RPL23: variants seen among roughly 807,000 people sequenced by gnomAD.
RPL23 encodes ribosomal protein L23, also known as large ribosomal subunit protein uL14.
For missense variants in RPL23, 79 were observed against 178.8 expected, an observed-to-expected ratio of 0.44 and a Z score of 3.18; for synonymous variants, 63 against 65.3, an observed-to-expected ratio of 0.97 and a Z score of 0.17.
chr17:38,850,019 G>A lies in RPL23; in HGVS notation c.*113C>T. On this transcript the variant is annotated 3_prime_UTR_variant, in exon 5 of 5. Transcript: ENST00000479035. ...TGTAATCCCAGCTACTTAGGAGGCT[G>A]AGGCAGGAGAATCGCTTGAACCCTG... 1 of 729,864 alleles carries A rather than the reference G, an allele frequency of 1.4e-6. No individual in the cohort carries two copies. The highest frequency in any genetic ancestry group is 2.1e-5 in the South Asian group (1 of 48,356). The allele number at this position is 729,864 out of a possible 1,614,324, so 45.2% of individuals were successfully genotyped here.
At position 38,848,224 on chromosome 17, in the gene RPL23, T is replaced by A; in HGVS notation, c.*1908A>T. Reference sequence around the variant, plus strand: ...TCAGGGATGTTATGGTGTAACTCTCTAAAACTAGAGATTTAATACATTTTT... The same window carrying A: ...TCAGGGATGTTATGGTGTAACTCTCAAAAACTAGAGATTTAATACATTTTT... On this transcript the variant is annotated 3_prime_UTR_variant, in exon 5 of 5. Transcript: ENST00000479035. The A allele has an allele frequency of 1.3e-6, 1 of 748,800 alleles. No homozygotes were observed. Among genetic ancestry groups the A allele is most frequent in the Non-Finnish European group, 1.9e-6 (1 of 539,178 alleles). 46.4% of individuals were successfully genotyped at this position (748,800 alleles called of 1,614,324 possible). A position where few individuals can be genotyped will look rare whatever the true frequency, so the allele number is the denominator to read the frequency against.
chr17:38,852,560 C>A, intron 3 of RPL23, 44 bp downstream of exon 3: 1 of 1,608,208 alleles, frequency 6.2e-7, no homozygotes, highest in Non-Finnish European at 8.5e-7. Flanking sequence ...GAAAGCGTCC[C>A]CCCACTACTC....
rs775282346 is a variant in RPL23 at position 38,850,518 on chromosome 17, C to CGCAGTGCCACCACAAAA, written c.227-60_227-44dup. 1.1e-4 allele frequency: 144 copies of CGCAGTGCCACCACAAAA among 1,356,012 alleles called. 1 individual carries two copies. In the South Asian group the frequency reaches 1.6e-3, roughly 15 times the overall value. 84.0% of individuals were successfully genotyped at this position (1,356,012 alleles called of 1,614,324 possible). ...GACAGCAGTCATTAACCTGTCAAGT[C>CGCAGTGCCACCACAAAA]GCAGTGCCACCACAAAAGCAGTTTC... On this transcript the variant is annotated intron_variant, in intron 3 of 4. Transcript: ENST00000479035.
chr17:38,850,345 C>T lies in RPL23; in HGVS notation c.340+17G>A, dbSNP rs756403441. On this transcript the variant is annotated intron_variant, in intron 4 of 4. Transcript: ENST00000479035. ...CAACCTCAGAGACCTAAGGAACAAG[C>T]TGGACTGATTTCCTACCTTTCATCT... 6.2e-7 allele frequency: 1 copy of T among 1,603,354 alleles called. No individual in the cohort carries two copies. The highest frequency in any genetic ancestry group is 1.7e-5 in the Admixed American group (1 of 59,980).
At chr17:38,850,310 A>G (rs1912964469) in intron 4 of RPL23, 52 bp downstream of exon 4, 2 of 1,570,702 alleles carry the variant, frequency 1.3e-6, no homozygotes, top group African/African-American at 2.7e-5. Flanking sequence ...GTACTTCTAG[A>G]CAATCCACCC....
In RPL23 at chr17:38,848,040, CTG is replaced by C. The variant is rs1389417277; in HGVS notation, c.*2090_*2091del. ...TTCAGTGGTGTTACTGCACTCCAGC[CTG>C]TGTGACAGAGCAAGACTGCCTCAGA... On this transcript the variant is annotated 3_prime_UTR_variant, in exon 5 of 5. Coordinates refer to ENST00000479035, the MANE Select transcript of RPL23 (RefSeq NM_000978.4). 20 of 1,547,230 alleles carry C rather than the reference CTG, an allele frequency of 1.3e-5. No homozygotes were observed. The South Asian group carries it at 1.6e-4, about 12-fold the overall frequency.
In RPL23 at chr17:38,852,852, C is replaced by A. The variant is rs770365884; in HGVS notation, c.98-120G>T. The A allele has an allele frequency of 8.2e-6, 12 of 1,460,862 alleles. No homozygotes were observed. The Admixed American group carries it at 1.0e-4, about 12-fold the overall frequency. The allele number at this position is 1,460,862 out of a possible 1,614,324, so 90.5% of individuals were successfully genotyped here. On this transcript the variant is annotated intron_variant, in intron 2 of 4. Transcript: ENST00000479035. The stretch of plus-strand genomic sequence containing the variant: ...TCCACTCACTGCCCAAGCAGTTAGT[C>A]CGCAAGAACGCCTTGTCACACCACC...
chr17:38,852,877 C>G (rs1245933878), intron 2 of RPL23, 145 bp from the exon 3 acceptor site: 2 of 1,375,508 alleles, frequency 1.5e-6, no homozygotes, highest in Admixed American at 3.4e-5. Context: ...GTCACACCAC[C>G]GATTGAAGCA....
At chr17:38,852,458 A>G (rs1263774991) in intron 3 of RPL23, 146 bp downstream of exon 3, 2 of 973,056 alleles carry the variant, frequency 2.1e-6, no homozygotes, top group East Asian at 4.8e-5. Context: ...CTCCAACACA[A>G]TATGAGCAAA....
intron 3 of RPL23, 125 bp downstream of exon 3, chr17:38,852,479 A>G: frequency 1.6e-6 from 2 of 1,213,288 alleles, no homozygotes; most frequent in Non-Finnish European, 1.2e-6. Context: ...AACTTAAGAT[A>G]CTTATCTCAC....
chr17:38,853,594 G>T, intron 1 of RPL23, 104 bp downstream of exon 1: 1 of 1,426,014 alleles, frequency 7.0e-7, no homozygotes, highest in African/African-American at 1.4e-5. Flanking sequence ...TCTCCGGCCT[G>T]AAGGAGAGCA....
At position 38,850,492 on chromosome 17, in the gene RPL23, G is replaced by A; in HGVS notation, c.227-17C>T. 2 of 1,572,952 alleles carry A rather than the reference G, an allele frequency of 1.3e-6. No individual in the cohort carries two copies. Among genetic ancestry groups the A allele is most frequent in the South Asian group, 1.1e-5 (1 of 90,106 alleles). Reference sequence around the variant, plus strand: ...CTGGATGTACTGAGAGAAGAAAAAAGGACAGCAGTCATTAACCTGTCAAGT... The same window carrying A: ...CTGGATGTACTGAGAGAAGAAAAAAAGACAGCAGTCATTAACCTGTCAAGT... On this transcript the variant is annotated splice_polypyrimidine_tract_variant and intron_variant, in intron 3 of 4. Transcript: ENST00000479035.
rs1276617298 is a variant in RPL23, at chr17:38,853,720, C to T, written c.-10G>A. 1 of 1,613,694 alleles carries T rather than the reference C, an allele frequency of 6.2e-7. No homozygotes were observed. The highest frequency in any genetic ancestry group is 2.2e-5 in the East Asian group (1 of 44,884). ...CACCTCGCTTCGACATCTTGAACGCCGGAAAAAAGAAAAAAGGAAGTCGAT... is the reference window on the plus strand; with the variant it reads ...CACCTCGCTTCGACATCTTGAACGCTGGAAAAAAGAAAAAAGGAAGTCGAT... On this transcript the variant is annotated 5_prime_UTR_variant, in exon 1 of 5. Coordinates refer to ENST00000479035, the MANE Select transcript of RPL23 (RefSeq NM_000978.4).
At chr17:38,852,922 G>GTT in intron 2 of RPL23, 100 bp downstream of exon 2, 1 of 1,392,888 alleles carries the variant, frequency 7.2e-7, no homozygotes. Context: ...CAAAAGCGAT[G>GTT]TTTTCACTCT....
At chr17:38,853,293 A>G (rs1030668316) in intron 1 of RPL23, 188 bp from the exon 2 acceptor site, 38 of 651,520 alleles carry the variant, frequency 5.8e-5, no homozygotes, top group South Asian at 5.3e-5. Flanking sequence ...AAAGTAGCCT[A>G]TTTCTTACTA....
chr17:38,850,352 G>A lies in RPL23; in HGVS notation c.340+10C>T. Reference sequence around the variant, plus strand: ...AGAGACCTAAGGAACAAGCTGGACTGATTTCCTACCTTTCATCTCGCCTTT... The same window carrying A: ...AGAGACCTAAGGAACAAGCTGGACTAATTTCCTACCTTTCATCTCGCCTTT... On this transcript the variant is annotated intron_variant, in intron 4 of 4. Coordinates refer to ENST00000479035, the MANE Select transcript of RPL23 (RefSeq NM_000978.4). 6.2e-7 allele frequency: 1 copy of A among 1,607,300 alleles called. No homozygotes were observed. The highest frequency in any genetic ancestry group is 1.1e-5 in the South Asian group (1 of 90,932).
At position 38,849,983 on chromosome 17, in the gene RPL23, C is replaced by CG. The variant is rs1912954821; in HGVS notation, c.*148dup. Reference sequence around the variant, plus strand: ...AAATACAAAAACTAGCCAGGCATGACGGCAGGTGCCTGTAATCCCAGCTAC... The same window carrying CG: ...AAATACAAAAACTAGCCAGGCATGACGGGCAGGTGCCTGTAATCCCAGCTAC... On this transcript the variant is annotated 3_prime_UTR_variant, in exon 5 of 5. Coordinates refer to ENST00000479035, the MANE Select transcript of RPL23 (RefSeq NM_000978.4). 1 of 576,636 alleles carries CG rather than the reference C, an allele frequency of 1.7e-6. No individual in the cohort carries two copies. Among genetic ancestry groups the CG allele is most frequent in the Non-Finnish European group, 3.0e-6 (1 of 334,580 alleles). The allele number at this position is 576,636 out of a possible 1,614,324, so 35.7% of individuals were successfully genotyped here. A position where few individuals can be genotyped will look rare whatever the true frequency, so the allele number is the denominator to read the frequency against.
In RPL23 at chr17:38,848,265, A is replaced by T; in HGVS notation, c.*1867T>A. On this transcript the variant is annotated 3_prime_UTR_variant, in exon 5 of 5. Coordinates refer to ENST00000479035, the MANE Select transcript of RPL23 (RefSeq NM_000978.4). Reference sequence around the variant, plus strand: ...ATACATTTTTTTTCTTTCCCCCCAGAGTTTCACTGGTTGCCCAGGCTGGAG... The same window carrying T: ...ATACATTTTTTTTCTTTCCCCCCAGTGTTTCACTGGTTGCCCAGGCTGGAG... 2.0e-6 allele frequency: 1 copy of T among 500,182 alleles called. No homozygotes were observed. The highest frequency in any genetic ancestry group is 6.0e-5 in the South Asian group (1 of 16,694). The allele number at this position is 500,182 out of a possible 1,614,324, so 31.0% of individuals were successfully genotyped here. A position where few individuals can be genotyped will look rare whatever the true frequency, so the allele number is the denominator to read the frequency against.
At position 38,848,298 on chromosome 17, in the gene RPL23, G is replaced by A. The variant is rs1037031380; in HGVS notation, c.*1834C>T. 3 of 324,866 alleles carry A rather than the reference G, an allele frequency of 9.2e-6. No individual in the cohort carries two copies. Among genetic ancestry groups the A allele is most frequent in the Admixed American group, 5.2e-5 (1 of 19,186 alleles). 20.1% of individuals were successfully genotyped at this position (324,866 alleles called of 1,614,324 possible). On this transcript the variant is annotated 3_prime_UTR_variant, in exon 5 of 5. Transcript: ENST00000479035. ...TGGTTGCCCAGGCTGGAGCACAATC[G>A]TGCGACCTCAGCTCACTGCAACCTC...
Sources: allele counts gnomAD v4.1 joint callset, GRCh38; gene constraint gnomAD v4.1.1; transcripts MANE v1.5; gene names NCBI Gene and HGNC (gene_info 2026-07-23, HGNC 2026-07-21).